AGPAT4: variants seen among roughly 807,000 people sequenced by gnomAD.
AGPAT4 encodes 1-acyl-sn-glycerol-3-phosphate acyltransferase delta.
Under a neutral mutation model 48.0 loss-of-function variants are expected in AGPAT4, and 15 were observed. The ratio of observed to expected loss-of-function variants is 0.31; its 90% CI spans 0.21 to 0.48. The LOEUF (loss-of-function observed/expected upper bound fraction) is 0.48. AGPAT4 is among the 20% of genes least tolerant of loss of function. AGPAT4 has a pLI of 0.99. For missense variants in AGPAT4, 314 were observed against 482.5 expected (o/e 0.65, Z 3.27); for synonymous variants, 178 against 198.7 (o/e 0.90, Z 0.88).
intron 3 of AGPAT4, chr6:161,160,432 A>G (rs1319883182): frequency 6.4e-6 from 1 of 155,702 alleles, no homozygotes; most frequent in Non-Finnish European, 1.4e-5. Flanking sequence ...GGGGAAATGC[A>G]TAAAGCAAAC....
intron 5 of AGPAT4, among the ~76,000 whole-genome samples, chr6:161,153,007 C>A (rs533583467): frequency 1.3e-5 from 2 of 152,198 alleles, no homozygotes; most frequent in African/African-American, 2.4e-5. Flanking sequence ...GCAAGAAATG[C>A]CCCTCAAACC....
At position 161,206,572 on chromosome 6, in the gene AGPAT4, A is replaced by C. The variant is rs1781383830; in HGVS notation, c.178+25464T>G. 6.6e-6 allele frequency among the ~76,000 whole-genome samples: 1 copy of C among 152,204 alleles called. No individual in the cohort carries two copies. The highest frequency in any genetic ancestry group is 1.5e-5 in the Non-Finnish European group (1 of 68,042). ...GTATCAGAGAAAATCTGTTAAAACA[A>C]GTTTAAGTAAGACCTACCGTCTAAT... On this transcript the variant is annotated intron_variant, in intron 2 of 8. Coordinates refer to ENST00000320285, the MANE Select transcript of AGPAT4 (RefSeq NM_020133.3). The surrounding 1 kb of genome is among the most constrained non-coding windows in gnomAD (Gnocchi z 4.8).
Position 161,264,337 on chromosome 6 carries a change from C to T in AGPAT4, c.-90+9601G>A, listed in dbSNP as rs573243922. Among the ~76,000 whole-genome samples the T allele has an allele frequency of 3.3e-5, 5 of 152,150 alleles. No homozygotes were observed. The highest frequency in any genetic ancestry group is 7.4e-5 in the Non-Finnish European group (5 of 68,026). Reference sequence around the variant, plus strand: ...TCTCTCTGCTTCCTGCCACGCCAGCCCACCTCATTCCTCTGTGGTCTAGGA... The same window carrying T: ...TCTCTCTGCTTCCTGCCACGCCAGCTCACCTCATTCCTCTGTGGTCTAGGA... On this transcript the variant is annotated intron_variant, in intron 1 of 8. Transcript: ENST00000320285. This position sits in a 1 kb window ranked among gnomAD's most constrained non-coding sequence, Gnocchi z 6.8.
intron 2 of AGPAT4, among the ~76,000 whole-genome samples, chr6:161,194,573 T>TA (rs1781014848): frequency 6.8e-6 from 1 of 147,862 alleles, no homozygotes; most frequent in Non-Finnish European, 1.5e-5. Flanking sequence ...TGTATGTGTA[T>TA]GTGTGTATAT....
At position 161,202,264 on chromosome 6, in the gene AGPAT4, T is replaced by C. The variant is rs1353463280; in HGVS notation, c.178+29772A>G. 6.6e-6 allele frequency among the ~76,000 whole-genome samples: 1 copy of C among 152,126 alleles called. No homozygotes were observed. Among genetic ancestry groups the C allele is most frequent in the Non-Finnish European group, 1.5e-5 (1 of 68,016 alleles). The stretch of plus-strand genomic sequence containing the variant: ...GGGATGTCGCAGTCAAGATGTCAGC[T>C]GGGGCTTGCCTGAGGCTGGCAAGGT... On this transcript the variant is annotated intron_variant, in intron 2 of 8. Transcript: ENST00000320285. The surrounding 1 kb of genome is among the most constrained non-coding windows in gnomAD (Gnocchi z 5.4).
rs927349489 is a variant in AGPAT4 at position 161,143,263 on chromosome 6, CG to C, written c.843+3260del. 4.9e-4 allele frequency among the ~76,000 whole-genome samples: 75 copies of C among 152,110 alleles called. No individual in the cohort carries two copies. Among genetic ancestry groups the C allele is most frequent in the African/African-American group, 1.8e-3 (73 of 41,422 alleles). Reference sequence around the variant, plus strand: ...AGTTTGTAAAATTTTTTTGTAGAGACGGGTTCCCATTATGTTGCCCAGACTG... The same window carrying C: ...AGTTTGTAAAATTTTTTTGTAGAGACGGTTCCCATTATGTTGCCCAGACTG... On this transcript the variant is annotated intron_variant, in intron 7 of 8. Transcript: ENST00000320285. The surrounding 1 kb of genome is among the most constrained non-coding windows in gnomAD (Gnocchi z 4.7).
intron 2 of AGPAT4, among the ~76,000 whole-genome samples, chr6:161,185,283 C>CTTTTT (rs35820706): frequency 3.7e-5 from 4 of 109,284 alleles, no homozygotes; most frequent in Admixed American, 9.5e-5. Flanking sequence ...TTTAAGATGT[C>CTTTTT]TTTTTTTTTT....
chr6:161,203,363 A>G (rs1487507449), intron 2 of AGPAT4, among the ~76,000 whole-genome samples: 1 of 143,646 alleles, frequency 7.0e-6, no homozygotes, highest in African/African-American at 2.6e-5. Context: ...ATTTTGTGGG[A>G]GAGTGTTCTT....
intron 2 of AGPAT4, among the ~76,000 whole-genome samples, chr6:161,187,707 A>T (rs1780811049): frequency 6.6e-6 from 1 of 151,436 alleles, no homozygotes; most frequent in African/African-American, 2.4e-5. Context: ...CACCCAGCTA[A>T]TTTTTTTTGT....
chr6:161,272,489 G>A lies in AGPAT4; in HGVS notation c.-90+1449C>T, dbSNP rs79325412. On this transcript the variant is annotated intron_variant, in intron 1 of 8. Coordinates refer to ENST00000320285, the MANE Select transcript of AGPAT4 (RefSeq NM_020133.3). This position sits in a 1 kb window ranked among gnomAD's most constrained non-coding sequence, Gnocchi z 4.2. ...ACTGAATAAAAGCATCAGTTTAGCC[G>A]GTACCTGTTAAGAGGCTATGTCTTT... 5.2e-3 allele frequency among the ~76,000 whole-genome samples: 719 copies of A among 138,932 alleles called. 10 individuals are homozygous for A. The highest frequency in any genetic ancestry group is 0.033 in the East Asian group (157 of 4,752). 91.1% of individuals were successfully genotyped at this position (138,932 alleles called of 152,430 possible). A position where few individuals can be genotyped will look rare whatever the true frequency, so the allele number is the denominator to read the frequency against.
At position 161,220,635 on chromosome 6, in the gene AGPAT4, C is replaced by A. The variant is rs1309536371; in HGVS notation, c.178+11401G>T. ...TATTGCAAAATGGGTAGGCAATGCC[C>A]CCACCTGATTTGTGACGGGTGTCCC... On this transcript the variant is annotated intron_variant, in intron 2 of 8. Coordinates refer to ENST00000320285, the MANE Select transcript of AGPAT4 (RefSeq NM_020133.3). The surrounding 1 kb of genome is among the most constrained non-coding windows in gnomAD (Gnocchi z 6.0). Among the ~76,000 whole-genome samples the A allele has an allele frequency of 6.6e-6, 1 of 152,124 alleles. No individual in the cohort carries two copies. Among genetic ancestry groups the A allele is most frequent in the East Asian group, 1.9e-4 (1 of 5,184 alleles).
chr6:161,196,272 G>A lies in AGPAT4; in HGVS notation c.179-29855C>T, dbSNP rs941787183. ...GAACTGGAGAGGCTAGGGGCTGGAGGGAAATCTGCAGAAAAGGTGTCCTGG... is the reference window on the plus strand; with the variant it reads ...GAACTGGAGAGGCTAGGGGCTGGAGAGAAATCTGCAGAAAAGGTGTCCTGG... On this transcript the variant is annotated intron_variant, in intron 2 of 8. Coordinates refer to ENST00000320285, the MANE Select transcript of AGPAT4 (RefSeq NM_020133.3). This position sits in a 1 kb window ranked among gnomAD's most constrained non-coding sequence, Gnocchi z 4.3. 2.0e-5 allele frequency among the ~76,000 whole-genome samples: 3 copies of A among 152,114 alleles called. No individual in the cohort carries two copies. Among genetic ancestry groups the A allele is most frequent in the African/African-American group, 7.2e-5 (3 of 41,424 alleles).
At position 161,208,293 on chromosome 6, in the gene AGPAT4, C is replaced by A. The variant is rs1249456947; in HGVS notation, c.178+23743G>T. Among the ~76,000 whole-genome samples the A allele has an allele frequency of 6.6e-6, 1 of 152,154 alleles. No homozygotes were observed. Among genetic ancestry groups the A allele is most frequent in the Non-Finnish European group, 1.5e-5 (1 of 68,032 alleles). ...TATTCAGAGACTCTCTCCAGATGCG[C>A]CCTCTGTGGAACTTCCCTAACAATG... On this transcript the variant is annotated intron_variant, in intron 2 of 8. Coordinates refer to ENST00000320285, the MANE Select transcript of AGPAT4 (RefSeq NM_020133.3). This position sits in a 1 kb window ranked among gnomAD's most constrained non-coding sequence, Gnocchi z 4.6.
intron 2 of AGPAT4, among the ~76,000 whole-genome samples, chr6:161,186,105 C>T (rs1172595452): frequency 5.3e-5 from 8 of 152,160 alleles, no homozygotes; most frequent in Non-Finnish European, 1.5e-5. Flanking sequence ...GGCTGCAGAG[C>T]AGTCAAGCCA....
intron 1 of AGPAT4, among the ~76,000 whole-genome samples, chr6:161,258,480 T>G (rs569110068): frequency 1.8e-4 from 28 of 152,328 alleles, no homozygotes; most frequent in African/African-American, 5.8e-4. Flanking sequence ...TTTATGTTCA[T>G]GTCTTGAATC....
chr6:161,269,790 A>G (rs1783371598), intron 1 of AGPAT4, among the ~76,000 whole-genome samples: 1 of 152,266 alleles, frequency 6.6e-6, no homozygotes, highest in South Asian at 2.1e-4. Flanking sequence ...GATACTCAAC[A>G]CTATTTGTTG....
In AGPAT4 at chr6:161,147,554, A is replaced by C. The variant is rs1779466983; in HGVS notation, c.768-955T>G. ...GTTAAGAGATAAAGGATGGGATTCC[A>C]TCTTATAACAGATTACAATGAGCCA... On this transcript the variant is annotated intron_variant, in intron 6 of 8. Coordinates refer to ENST00000320285, the MANE Select transcript of AGPAT4 (RefSeq NM_020133.3). This position sits in a 1 kb window ranked among gnomAD's most constrained non-coding sequence, Gnocchi z 4.8. Among the ~76,000 whole-genome samples the C allele has an allele frequency of 6.6e-6, 1 of 152,228 alleles. No individual in the cohort carries two copies. Among genetic ancestry groups the C allele is most frequent in the Admixed American group, 6.5e-5 (1 of 15,290 alleles).
chr6:161,163,764 C>A (rs990536446), intron 3 of AGPAT4, among the ~76,000 whole-genome samples: 4 of 152,194 alleles, frequency 2.6e-5, no homozygotes, highest in Non-Finnish European at 4.4e-5. Context: ...CTTAAGGAAG[C>A]ACTTTAGCAA....
intron 2 of AGPAT4, among the ~76,000 whole-genome samples, chr6:161,192,605 T>C (rs956629699): frequency 6.6e-6 from 1 of 152,188 alleles, no homozygotes; most frequent in African/African-American, 2.4e-5. Flanking sequence ...ACGTATCACC[T>C]TTTTTTCTCT....
Sources: allele counts gnomAD v4.1 joint callset (sites outside exome capture counted in the v4.1 genomes callset), GRCh38; gene constraint gnomAD v4.1.1; non-coding constraint Gnocchi (gnomAD v3.1); transcripts MANE v1.5; gene names NCBI Gene and HGNC (gene_info 2026-07-23, HGNC 2026-07-21).